GRIA1: variants seen among roughly 807,000 people sequenced by gnomAD.
The protein encoded by GRIA1 is glutamate receptor 1.
GRIA1 carries 31 observed loss-of-function variants against 99.2 expected under a neutral mutation model. The observed-to-expected ratio is 0.31, with a 90% CI of 0.23 to 0.42. The LOEUF (loss-of-function observed/expected upper bound fraction) is 0.42. Ranked by LOEUF, GRIA1 falls within the 10% of genes least tolerant of loss-of-function variation. The pLI, the probability that GRIA1 is intolerant of heterozygous loss-of-function variation, is 1.00. For synonymous variants in GRIA1, 438 were observed against 432.4 expected (o/e 1.01, Z -0.16); for missense variants, 782 against 1,157.5 (o/e 0.68, Z 4.71).
At chr5:153,766,272 C>T (rs554314011) in intron 12 of GRIA1, among the ~76,000 whole-genome samples, 1 of 152,266 alleles carries the variant, frequency 6.6e-6, no homozygotes, top group Non-Finnish European at 1.5e-5. Flanking sequence ...AATAAAAAAG[C>T]CACTTACAAT....
intron 4 of GRIA1, among the ~76,000 whole-genome samples, chr5:153,652,021 C>T (rs1487479531): frequency 6.6e-6 from 1 of 152,240 alleles, no homozygotes; most frequent in South Asian, 2.1e-4. Context: ...TTAGAGGGCT[C>T]TTGTGAGAAT....
At position 153,620,263 on chromosome 5, in the gene GRIA1, G is replaced by A. The variant is rs148762668; in HGVS notation, c.221-26665G>A. ...GGAACTAGATGCTCTTCTAGAATGGGCTTTCTTCCCTTTGGGATAGACTTT... is the reference window on the plus strand; with the variant it reads ...GGAACTAGATGCTCTTCTAGAATGGACTTTCTTCCCTTTGGGATAGACTTT... On this transcript the variant is annotated intron_variant, in intron 2 of 15. Transcript: ENST00000285900. Among the ~76,000 whole-genome samples, 52 of 151,984 alleles carry A rather than the reference G, an allele frequency of 3.4e-4. No individual in the cohort carries two copies. The East Asian group carries it at 0.01, about 29-fold the overall frequency.
chr5:153,651,363 A>C (rs1045014897), intron 4 of GRIA1, among the ~76,000 whole-genome samples: 7 of 152,182 alleles, frequency 4.6e-5, no homozygotes, highest in African/African-American at 1.7e-4. Context: ...TTGTAACTTC[A>C]ACAGTCTTGA....
intron 2 of GRIA1, among the ~76,000 whole-genome samples, chr5:153,550,942 G>A (rs1466925457): frequency 1.3e-5 from 2 of 152,156 alleles, no homozygotes; most frequent in African/African-American, 4.8e-5. Context: ...ACAATGTGCA[G>A]GTTAGTTACA....
intron 2 of GRIA1, among the ~76,000 whole-genome samples, chr5:153,588,067 G>A (rs1043818587): frequency 3.9e-5 from 6 of 152,158 alleles, no homozygotes; most frequent in Admixed American, 6.5e-5. Context: ...GAAAAGACAT[G>A]TACAAATATT....
chr5:153,715,952 T>A (rs1344704048), intron 11 of GRIA1, among the ~76,000 whole-genome samples: 1 of 152,178 alleles, frequency 6.6e-6, no homozygotes, highest in African/African-American at 2.4e-5. Context: ...GGCAACTCAG[T>A]CCTGGTCCCT....
At chr5:153,544,649 T>C (rs780866024) in intron 2 of GRIA1, among the ~76,000 whole-genome samples, 1 of 152,116 alleles carries the variant, frequency 6.6e-6, no homozygotes, top group African/African-American at 2.4e-5. Context: ...GAGAAATAGG[T>C]AAATAGTCAT....
At chr5:153,611,993 C>T (rs1420823548) in intron 2 of GRIA1, among the ~76,000 whole-genome samples, 1 of 152,202 alleles carries the variant, frequency 6.6e-6, no homozygotes, top group Non-Finnish European at 1.5e-5. Flanking sequence ...TTGGTCAAGT[C>T]ATTCTCCCTA....
intron 2 of GRIA1, among the ~76,000 whole-genome samples, chr5:153,616,911 T>C (rs1175303274): frequency 1.3e-5 from 2 of 152,322 alleles, no homozygotes; most frequent in East Asian, 1.9e-4. Flanking sequence ...TGATAAAAAC[T>C]GGGTTGTTGG....
intron 2 of GRIA1, among the ~76,000 whole-genome samples, chr5:153,523,744 T>C (rs976685521): frequency 6.6e-6 from 1 of 152,138 alleles, no homozygotes; most frequent in Non-Finnish European, 1.5e-5. Flanking sequence ...GTGACCTACA[T>C]ATAGGAGATG....
At chr5:153,572,563 G>A (rs1762207487) in intron 2 of GRIA1, among the ~76,000 whole-genome samples, 1 of 152,182 alleles carries the variant, frequency 6.6e-6, no homozygotes, top group African/African-American at 2.4e-5. Context: ...AGCCGTGGAT[G>A]GGAGATCAGG....
chr5:153,742,089 T>G (rs1417769180), intron 11 of GRIA1, among the ~76,000 whole-genome samples: 2 of 151,862 alleles, frequency 1.3e-5, no homozygotes, highest in Non-Finnish European at 1.5e-5. Context: ...TAAGTAAATA[T>G]AATAGCTAGG....
intron 13 of GRIA1, among the ~76,000 whole-genome samples, chr5:153,772,662 C>G (rs2149621825): frequency 6.6e-6 from 1 of 152,172 alleles, no homozygotes; most frequent in East Asian, 1.9e-4. Flanking sequence ...GTGTTTTTGC[C>G]TGGTTGAATC....
At chr5:153,673,522 T>G (rs1305289110) in intron 5 of GRIA1, among the ~76,000 whole-genome samples, 1 of 152,226 alleles carries the variant, frequency 6.6e-6, no homozygotes, top group Non-Finnish European at 1.5e-5. Flanking sequence ...TTTGTTGAAA[T>G]GATTAATCAG....
chr5:153,512,306 T>C (rs1756170249), intron 2 of GRIA1, among the ~76,000 whole-genome samples: 1 of 152,148 alleles, frequency 6.6e-6, no homozygotes. Context: ...ACGCAGGTAA[T>C]AGGAATAATA....
rs915156310 is a variant in GRIA1 at position 153,752,672 on chromosome 5, C to T, written c.1824-11762C>T. ...TCACTTTTATCTCCTCAGTGACCAG[C>T]AGTGTCTGCCATATAGGAAATGCTT... On this transcript the variant is annotated intron_variant, in intron 11 of 15. Transcript: ENST00000285900. Among the ~76,000 whole-genome samples, 5 of 152,188 alleles carry T rather than the reference C, an allele frequency of 3.3e-5. No individual in the cohort carries two copies. In the South Asian group the frequency reaches 1.0e-3, roughly 32 times the overall value.
At chr5:153,671,590 A>T (rs1561751117) in intron 5 of GRIA1, among the ~76,000 whole-genome samples, 1 of 152,190 alleles carries the variant, frequency 6.6e-6, no homozygotes, top group Non-Finnish European at 1.5e-5. Context: ...GAACACGTTA[A>T]ACTCAAAAGG....
intron 2 of GRIA1, among the ~76,000 whole-genome samples, chr5:153,566,472 T>G (rs1340570637): frequency 6.7e-6 from 1 of 149,144 alleles, no homozygotes; most frequent in Non-Finnish European, 1.5e-5. Context: ...CCAAGCTAAT[T>G]TTTTTGCATT....
chr5:153,711,555 C>T (rs1759316821), intron 11 of GRIA1, among the ~76,000 whole-genome samples: 1 of 152,096 alleles, frequency 6.6e-6, no homozygotes, highest in Non-Finnish European at 1.5e-5. Context: ...TCTAGTCTAC[C>T]CACCCCATGT....
Sources: allele counts gnomAD v4.1 joint callset (sites outside exome capture counted in the v4.1 genomes callset), GRCh38; gene constraint gnomAD v4.1.1; transcripts MANE v1.5; gene names NCBI Gene and HGNC (gene_info 2026-07-23, HGNC 2026-07-21).